ARHGAP20: variants seen among roughly 807,000 people sequenced by gnomAD.
ARHGAP20 encodes rho GTPase-activating protein 20.
ARHGAP20 carries 34 observed loss-of-function variants against 73.7 expected under a neutral mutation model. The ratio of observed to expected loss-of-function variants is 0.46; its 90% CI spans 0.35 to 0.61. The LOEUF is 0.61. Among genes scored for constraint, ARHGAP20 ranks in the 20% least tolerant of loss-of-function variants. The pLI, the probability that ARHGAP20 is intolerant of heterozygous loss-of-function variation, is 0.00. For missense variants in ARHGAP20, 1,314 were observed against 1,420.9 expected, an observed-to-expected ratio of 0.92 and a Z score of 1.21; for synonymous variants, 523 against 518.2, an observed-to-expected ratio of 1.01 and a Z score of -0.13.
intron 3 of ARHGAP20, among the ~76,000 whole-genome samples, chr11:110,624,997 T>C (rs1948705486): frequency 1.3e-5 from 2 of 150,886 alleles, no homozygotes; most frequent in Non-Finnish European, 2.9e-5. Context: ...AAACAGAAAA[T>C]ACACAGGATT....
intron 1 of ARHGAP20, among the ~76,000 whole-genome samples, chr11:110,704,556 T>C (rs11213553): frequency 0.13 from 19,462 of 150,710 alleles, 2,026 homozygotes; most frequent in African/African-American, 0.29. Flanking sequence ...AAGACTGAAA[T>C]AAAATATAAT....
chr11:110,582,267 A>T, intron 14 of ARHGAP20, 54 bp downstream of exon 14: 1 of 1,428,992 alleles, frequency 7.0e-7, no homozygotes, highest in Non-Finnish European at 9.9e-7. Flanking sequence ...CAGCACGTTT[A>T]CAAACAACCA....
intron 2 of ARHGAP20, among the ~76,000 whole-genome samples, chr11:110,659,030 G>A (rs1307767913): frequency 1.3e-5 from 2 of 151,666 alleles, no homozygotes; most frequent in Non-Finnish European, 2.9e-5. Flanking sequence ...ACGTGTGCAT[G>A]TGTCTTTATA....
chr11:110,685,581 C>T (rs905577747), intron 2 of ARHGAP20, among the ~76,000 whole-genome samples: 9 of 151,706 alleles, frequency 5.9e-5, no homozygotes, highest in Admixed American at 5.9e-4. Context: ...CTACCTTTAA[C>T]ACATAAATAC....
intron 6 of ARHGAP20, among the ~76,000 whole-genome samples, chr11:110,613,455 T>A (rs756364616): frequency 1.8e-4 from 28 of 152,148 alleles, no homozygotes; most frequent in Non-Finnish European, 3.4e-4. Flanking sequence ...AGGGTACTAG[T>A]GATAGAAACA....
At chr11:110,673,411 T>C (rs1175821834) in intron 2 of ARHGAP20, among the ~76,000 whole-genome samples, 1 of 152,084 alleles carries the variant, frequency 6.6e-6, no homozygotes, top group Non-Finnish European at 1.5e-5. Flanking sequence ...TGTCAAGTCA[T>C]AAAAAAATTT....
At chr11:110,660,699 T>C (rs375855277) in intron 2 of ARHGAP20, among the ~76,000 whole-genome samples, 11 of 152,316 alleles carry the variant, frequency 7.2e-5, no homozygotes, top group African/African-American at 2.6e-4. Flanking sequence ...GTTACTCACA[T>C]TCTCAGGTGA....
At position 110,626,499 on chromosome 11, in the gene ARHGAP20, G is replaced by A. The variant is rs555798683; in HGVS notation, c.354-2188C>T. ...CACACATTATTTAGTTTGATCCTCA[G>A]GAATTTTACAGGTAAGGAAATGGAG... On this transcript the variant is annotated intron_variant, in intron 3 of 14. Transcript: ENST00000683387. 4.6e-5 allele frequency among the ~76,000 whole-genome samples: 7 copies of A among 152,226 alleles called. No individual in the cohort carries two copies. In the East Asian group the frequency reaches 1.4e-3, roughly 29 times the overall value.
In ARHGAP20 at chr11:110,577,259, A is replaced by G; in HGVS notation, c.*2111T>C. On this transcript the variant is annotated 3_prime_UTR_variant, in exon 15 of 15. Transcript: ENST00000683387. ...TTTAGATAAAGCATCAGTCTAATATATTATAGATTGATGGAGTATAATAAA... is the reference window on the plus strand; with the variant it reads ...TTTAGATAAAGCATCAGTCTAATATGTTATAGATTGATGGAGTATAATAAA... The G allele has an allele frequency of 1.4e-6, 2 of 1,433,862 alleles. No homozygotes were observed. The highest frequency in any genetic ancestry group is 1.8e-6 in the Non-Finnish European group (2 of 1,091,638). The allele number at this position is 1,433,862 out of a possible 1,614,324, so 88.8% of individuals were successfully genotyped here. A position where few individuals can be genotyped will look rare whatever the true frequency, so the allele number is the denominator to read the frequency against.
At chr11:110,664,183 A>G (rs982255505) in intron 2 of ARHGAP20, among the ~76,000 whole-genome samples, 1 of 152,158 alleles carries the variant, frequency 6.6e-6, no homozygotes, top group Admixed American at 6.5e-5. Context: ...TTGGCCAGAT[A>G]AATCAGGCAA....
At chr11:110,687,512 A>C (rs1292217236) in intron 2 of ARHGAP20, among the ~76,000 whole-genome samples, 7 of 152,170 alleles carry the variant, frequency 4.6e-5, no homozygotes, top group Non-Finnish European at 8.8e-5. Flanking sequence ...ATTGGTTCTC[A>C]ACTTAAAACA....
At chr11:110,594,268 G>C (rs1270103845) in intron 9 of ARHGAP20, among the ~76,000 whole-genome samples, 1 of 152,164 alleles carries the variant, frequency 6.6e-6, no homozygotes, top group East Asian at 1.9e-4. Flanking sequence ...GGTATGTAAA[G>C]CTCTTTGGCT....
chr11:110,670,062 T>C (rs941778235), intron 2 of ARHGAP20, among the ~76,000 whole-genome samples: 2 of 152,016 alleles, frequency 1.3e-5, no homozygotes, highest in Non-Finnish European at 2.9e-5. Flanking sequence ...TGAGGATAGG[T>C]TGGCAGTATC....
chr11:110,687,035 C>CAT (rs142490183), intron 2 of ARHGAP20, among the ~76,000 whole-genome samples: 3,604 of 121,870 alleles, frequency 0.03, 134 homozygotes, highest in Non-Finnish European at 0.034. Context: ...AAGATTAAAA[C>CAT]ATATATATAT....
At chr11:110,618,383 A>G (rs1273058953) in intron 4 of ARHGAP20, among the ~76,000 whole-genome samples, 1 of 152,252 alleles carries the variant, frequency 6.6e-6, no homozygotes, top group Non-Finnish European at 1.5e-5. Context: ...GTAGTCTAAG[A>G]TTCACAGTAG....
chr11:110,642,067 C>T (rs1487488242), intron 2 of ARHGAP20, among the ~76,000 whole-genome samples: 4 of 151,934 alleles, frequency 2.6e-5, no homozygotes, highest in African/African-American at 7.2e-5. Flanking sequence ...CTTAAAGGAA[C>T]GAAATAATTA....
At chr11:110,710,732 G>C (rs749530029) in intron 1 of ARHGAP20, among the ~76,000 whole-genome samples, 8 of 152,150 alleles carry the variant, frequency 5.3e-5, no homozygotes, top group Non-Finnish European at 1.2e-4. Flanking sequence ...AGATGGCTCC[G>C]TGACACGGTC....
At chr11:110,680,925 A>G (rs1257747881) in intron 2 of ARHGAP20, among the ~76,000 whole-genome samples, 1 of 152,224 alleles carries the variant, frequency 6.6e-6, no homozygotes, top group Non-Finnish European at 1.5e-5. Context: ...GCCACCTTAT[A>G]AAGCAATTGC....
chr11:110,644,865 G>A (rs1949153413), intron 2 of ARHGAP20, among the ~76,000 whole-genome samples: 1 of 152,132 alleles, frequency 6.6e-6, no homozygotes, highest in African/African-American at 2.4e-5. Flanking sequence ...TCTACAGGGT[G>A]AAGGGAAATA....
Sources: gnomAD v4.1 joint callset for allele counts (sites outside exome capture counted in the v4.1 genomes callset) on GRCh38, gnomAD v4.1.1 for gene constraint, MANE v1.5 for transcripts, NCBI Gene and HGNC (gene_info 2026-07-23, HGNC 2026-07-21) for gene names.